Variants in HAPLN1 observed in about 807,000 individuals in gnomAD.
HAPLN1 encodes hyaluronan and proteoglycan link protein 1, also known as Cartilage link protein.
HAPLN1 carries 13 observed loss-of-function variants against 36.5 expected under a neutral mutation model. The observed-to-expected ratio is 0.36, with a 90% confidence interval of 0.23 to 0.57. The LOEUF is 0.57. Ranked by LOEUF, HAPLN1 falls within the 20% of genes least tolerant of loss-of-function variation. The pLI, the probability that HAPLN1 is intolerant of heterozygous loss-of-function variation, is 0.83. For missense variants in HAPLN1, 407 were observed against 439.7 expected (o/e 0.93, Z 0.66); for synonymous variants, 202 against 169.8 (o/e 1.19, Z -1.48).
intron 1 of HAPLN1, among the ~76,000 whole-genome samples, chr5:83,683,249 A>T (rs1354785708): frequency 2.0e-5 from 3 of 152,148 alleles, no homozygotes; most frequent in African/African-American, 7.2e-5. Flanking sequence ...CTCCCTTTCA[A>T]CCTGGTCTCC....
At chr5:83,656,229 G>GTATCATTAAAA in intron 2 of HAPLN1, among the ~76,000 whole-genome samples, 1 of 146,230 alleles carries the variant, frequency 6.8e-6, no homozygotes, top group African/African-American at 2.5e-5. Context: ...TCGGGAGGCT[G>GTATCATTAAAA]AAGCAGGAGA....
At chr5:83,667,777 G>T (rs552805017) in intron 2 of HAPLN1, among the ~76,000 whole-genome samples, 1 of 152,242 alleles carries the variant, frequency 6.6e-6, no homozygotes, top group Non-Finnish European at 1.5e-5. Context: ...TCCCAAATCT[G>T]CAGTTATTAC....
At chr5:83,689,002 G>C (rs1367193981) in intron 1 of HAPLN1, among the ~76,000 whole-genome samples, 1 of 152,124 alleles carries the variant, frequency 6.6e-6, no homozygotes, top group Non-Finnish European at 1.5e-5. Context: ...ACAATTCTTA[G>C]TACATGCATT....
At chr5:83,658,798 G>A (rs781772889) in intron 2 of HAPLN1, among the ~76,000 whole-genome samples, 12 of 151,958 alleles carry the variant, frequency 7.9e-5, no homozygotes, top group South Asian at 2.1e-4. Context: ...CTCTCCCTTC[G>A]CGTCCAGCCT....
chr5:83,718,809 G>T (rs907507905), intron 1 of HAPLN1, among the ~76,000 whole-genome samples: 13 of 152,166 alleles, frequency 8.5e-5, no homozygotes, highest in Admixed American at 1.3e-4. Context: ...AATAAAATGT[G>T]CATGGGGCAA....
At chr5:83,649,322 T>C (rs920473684) in intron 3 of HAPLN1, among the ~76,000 whole-genome samples, 2 of 152,220 alleles carry the variant, frequency 1.3e-5, no homozygotes, top group East Asian at 3.8e-4. Context: ...GTATCTGTTG[T>C]TCACATTTTT....
intron 1 of HAPLN1, among the ~76,000 whole-genome samples, chr5:83,709,378 A>G (rs1751725472): frequency 6.6e-6 from 1 of 152,138 alleles, no homozygotes; most frequent in East Asian, 1.9e-4. Context: ...AAAGCCTAAT[A>G]TTTACATCTC....
intron 1 of HAPLN1, among the ~76,000 whole-genome samples, chr5:83,703,032 A>G (rs141575293): frequency 2.4e-4 from 37 of 152,212 alleles, no homozygotes; most frequent in Middle Eastern, 3.4e-3. Context: ...TTCTTATGCC[A>G]TGCCTGGGTG....
chr5:83,696,266 T>C (rs1188389825), intron 1 of HAPLN1, among the ~76,000 whole-genome samples: 1 of 152,200 alleles, frequency 6.6e-6, no homozygotes, highest in South Asian at 2.1e-4. Flanking sequence ...GAGACATAAA[T>C]AAATGGCAAG....
intron 1 of HAPLN1, among the ~76,000 whole-genome samples, chr5:83,713,038 T>A (rs1433608104): frequency 1.3e-5 from 2 of 152,124 alleles, no homozygotes; most frequent in African/African-American, 4.8e-5. Flanking sequence ...GCAAACTCAT[T>A]TATATGGTAA....
intron 1 of HAPLN1, chr5:83,682,537 T>G (rs1751029567): frequency 6.6e-6 from 1 of 152,218 alleles, no homozygotes. Context: ...CTTCATGCAG[T>G]CAATCCTCAT....
intron 4 of HAPLN1, 39 bp from the exon 5 acceptor site, chr5:83,641,824 C>T (rs1052459120): frequency 1.9e-6 from 3 of 1,589,390 alleles, no homozygotes; most frequent in South Asian, 1.1e-5. Context: ...GGCTGGTCTT[C>T]AATTGAGCCA....
chr5:83,679,484 T>C lies in HAPLN1; in HGVS notation c.-26-5935A>G, dbSNP rs146292395. On this transcript the variant is annotated intron_variant, in intron 1 of 4. Coordinates refer to ENST00000274341, the MANE Select transcript of HAPLN1 (RefSeq NM_001884.4). ...TCTTTCTAACCTTTCTCTGTTTTAC[T>C]TTCTTGCTTTTGTTTATCCATTCAT... Among the ~76,000 whole-genome samples, 457 of 152,330 alleles carry C rather than the reference T, an allele frequency of 3.0e-3. 1 individual carries two copies. The highest frequency in any genetic ancestry group is 0.011 in the African/African-American group (441 of 41,578).
At position 83,641,415 on chromosome 5, in the gene HAPLN1, T is replaced by C. The variant is rs1749689081; in HGVS notation, c.*81A>G. 9.0e-6 allele frequency: 12 copies of C among 1,327,570 alleles called. No individual in the cohort carries two copies. The South Asian group carries it at 1.9e-4, about 21-fold the overall frequency. 82.2% of individuals were successfully genotyped at this position (1,327,570 alleles called of 1,614,324 possible). A position where few individuals can be genotyped will look rare whatever the true frequency, so the allele number is the denominator to read the frequency against. ...AAGGGTTATCACAGTTTTGGTAACT[T>C]GCATGAGTTCATATTGGAAAAAAAA... is the stretch of plus-strand genomic sequence containing the variant. On this transcript the variant is annotated 3_prime_UTR_variant, in exon 5 of 5. Transcript: ENST00000274341.
intron 1 of HAPLN1, among the ~76,000 whole-genome samples, chr5:83,677,070 A>G (rs1750877836): frequency 6.6e-6 from 1 of 152,188 alleles, no homozygotes; most frequent in South Asian, 2.1e-4. Flanking sequence ...TTAAGTGTCT[A>G]CTACATTATC....
intron 1 of HAPLN1, among the ~76,000 whole-genome samples, chr5:83,706,645 G>T (rs1751660336): frequency 1.3e-5 from 2 of 152,118 alleles, no homozygotes. Context: ...GCAAAAGCTG[G>T]AAGCATTCCC....
At chr5:83,702,571 A>C (rs937403505) in intron 1 of HAPLN1, among the ~76,000 whole-genome samples, 3 of 152,180 alleles carry the variant, frequency 2.0e-5, no homozygotes, top group African/African-American at 7.2e-5. Context: ...AAGGCCATGA[A>C]GATAAGGGTT....
intron 2 of HAPLN1, among the ~76,000 whole-genome samples, chr5:83,659,103 G>T (rs889692766): frequency 6.6e-6 from 1 of 151,860 alleles, no homozygotes; most frequent in Non-Finnish European, 1.5e-5. Context: ...GTGAAACCCC[G>T]TCTCTACTAA....
chr5:83,689,563 T>C (rs1385212007), intron 1 of HAPLN1, among the ~76,000 whole-genome samples: 1 of 152,116 alleles, frequency 6.6e-6, no homozygotes, highest in African/African-American at 2.4e-5. Context: ...AACTTCACTA[T>C]TTTGCCTGGG....
Sources: allele counts gnomAD v4.1 joint callset (sites outside exome capture counted in the v4.1 genomes callset), GRCh38; gene constraint gnomAD v4.1.1; transcripts MANE v1.5; gene names NCBI Gene and HGNC (gene_info 2026-07-23, HGNC 2026-07-21).